MDGA1: variants seen among roughly 807,000 people sequenced by gnomAD.
The protein encoded by MDGA1 is MAM domain-containing glycosylphosphatidylinositol anchor protein 1.
Under a neutral mutation model 101.5 loss-of-function variants are expected in MDGA1, and 54 were observed. The ratio of observed to expected loss-of-function variants is 0.53; its 90% CI spans 0.43 to 0.67. MDGA1 has a LOEUF of 0.67. Among genes scored for constraint, MDGA1 ranks in the 30% least tolerant of loss-of-function variants. The pLI is 0.00. For synonymous variants in MDGA1, 533 were observed against 558.3 expected (o/e 0.95, Z 0.64); for missense variants, 1,083 against 1,323.8 (o/e 0.82, Z 2.82).
Position 37,647,278 on chromosome 6 carries a change from G to C in MDGA1, c.1941C>G (p.Thr647=), listed in dbSNP as rs1270292985. The C allele has an allele frequency of 6.4e-7, 1 of 1,557,986 alleles. No homozygotes were observed. Among genetic ancestry groups the C allele is most frequent in the East Asian group, 2.4e-5 (1 of 41,612 alleles). The change falls in exon 10 of 17, where the codon ACC becomes ACG. Residue 647 remains threonine (T), a synonymous_variant. Transcript: ENST00000434837. ...PEFYFDTPNP[T]RSHKLSKNYS... is the part of the protein sequence containing the mutation. ...AGTTCTTGGACAGCTTGTGGCTGCG[G>C]GTGGGGTTGGGGGTGTCGAAGTAAA...
intron 1 of MDGA1, among the ~76,000 whole-genome samples, chr6:37,689,014 C>G (rs1234417990): frequency 2.0e-5 from 3 of 152,222 alleles, no homozygotes; most frequent in Admixed American, 6.5e-5. Context: ...CGCATTTCCA[C>G]AAGATCCCAG....
Position 37,684,327 on chromosome 6 carries a change from A to G in MDGA1, c.67+12418T>C, listed in dbSNP as rs1326359018. Among the ~76,000 whole-genome samples, 6 of 152,340 alleles carry G rather than the reference A, an allele frequency of 3.9e-5. No homozygotes were observed. In the East Asian group the frequency reaches 1.2e-3, roughly 29 times the overall value. On this transcript the variant is annotated intron_variant, in intron 1 of 16. Transcript: ENST00000434837. ...GGCGGGGGAAGCCCTGACATTTCCA[A>G]TAAGGGCCTCTAACATCTAACCAGA...
At position 37,654,838 on chromosome 6, in the gene MDGA1, G is replaced by A; in HGVS notation, c.674C>T (p.Pro225Leu). 3 of 1,613,792 alleles carry A rather than the reference G, an allele frequency of 1.9e-6. No individual in the cohort carries two copies. Among genetic ancestry groups the A allele is most frequent in the Middle Eastern group, 1.6e-4 (1 of 6,062 alleles). The change falls in exon 5 of 17, where the codon CCA (proline) becomes CTA (leucine). Residue 225 changes from proline (P) to leucine (L), a missense_variant. By Grantham distance (98) the Pro-to-Leu change is moderately conservative. This residue lies in a region of MDGA1 where 310 missense variants were observed against 355.9 expected (regional missense o/e 0.87). Coordinates refer to ENST00000434837, the MANE Select transcript of MDGA1 (RefSeq NM_153487.4). ...QVSVRNVCGI[P>L]DKAITFRLTN... The stretch of plus-strand genomic sequence containing the variant: ...GAGCCGGAAGGTGATGGCCTTGTCT[G>A]GGATGCCGCACACGTTACGCACAGA...
At chr6:37,663,635 C>T (rs559059807) in intron 2 of MDGA1, among the ~76,000 whole-genome samples, 10 of 152,330 alleles carry the variant, frequency 6.6e-5, no homozygotes, top group African/African-American at 1.7e-4. Context: ...TGTCTGGCAC[C>T]GTGCCTGGCA....
intron 1 of MDGA1, among the ~76,000 whole-genome samples, chr6:37,667,050 T>C (rs1399807312): frequency 6.6e-6 from 1 of 152,162 alleles, no homozygotes; most frequent in Admixed American, 6.5e-5. Flanking sequence ...TCGTAATGTG[T>C]TTTACAGATG....
intron 1 of MDGA1, among the ~76,000 whole-genome samples, chr6:37,671,577 C>T (rs1761869777): frequency 6.6e-6 from 1 of 152,114 alleles, no homozygotes; most frequent in South Asian, 2.1e-4. Context: ...AATTATACAC[C>T]CAAAATGTAT....
intron 16 of MDGA1, 90 bp from the exon 17 acceptor site, chr6:37,637,549 T>A: frequency 9.1e-7 from 1 of 1,100,286 alleles, no homozygotes; most frequent in Non-Finnish European, 1.4e-6. Context: ...ACTGTTACTC[T>A]GCCCACCTCT....
At chr6:37,678,325 T>C (rs562314769) in intron 1 of MDGA1, among the ~76,000 whole-genome samples, 9 of 152,152 alleles carry the variant, frequency 5.9e-5, no homozygotes, top group African/African-American at 2.2e-4. Context: ...TCAGAACCAA[T>C]CAGGAATCTG....
At chr6:37,666,698 C>T (rs1380598396) in intron 1 of MDGA1, among the ~76,000 whole-genome samples, 4 of 152,130 alleles carry the variant, frequency 2.6e-5, no homozygotes, top group Non-Finnish European at 4.4e-5. Flanking sequence ...GAATGTTGAA[C>T]GAATGGATTT....
rs1215373074 is a variant in MDGA1, at chr6:37,648,848, G to A, written c.1894+134C>T. On this transcript the variant is annotated intron_variant, in intron 9 of 16. Coordinates refer to ENST00000434837, the MANE Select transcript of MDGA1 (RefSeq NM_153487.4). ...GTGGGCGGGTCTTGGAAAGGCCGGGGCTAAGCCTGGAGTAGGTGGGCTTCA... is the reference window on the plus strand; with the variant it reads ...GTGGGCGGGTCTTGGAAAGGCCGGGACTAAGCCTGGAGTAGGTGGGCTTCA... The A allele has an allele frequency of 9.3e-6, 13 of 1,400,966 alleles. No individual in the cohort carries two copies. In the South Asian group the frequency reaches 1.5e-4, roughly 16 times the overall value. The allele number at this position is 1,400,966 out of a possible 1,614,324, so 86.8% of individuals were successfully genotyped here.
At chr6:37,678,934 G>C (rs1319336982) in intron 1 of MDGA1, among the ~76,000 whole-genome samples, 1 of 151,370 alleles carries the variant, frequency 6.6e-6, no homozygotes, top group Non-Finnish European at 1.5e-5. Flanking sequence ...AGCACCCCTG[G>C]GAGCAAAAGC....
At chr6:37,659,857 G>A (rs900409742) in intron 2 of MDGA1, among the ~76,000 whole-genome samples, 4 of 152,066 alleles carry the variant, frequency 2.6e-5, no homozygotes, top group African/African-American at 9.7e-5. Flanking sequence ...AGAGTTCTTT[G>A]GAGAGATAAC....
rs1194993321 is a variant in MDGA1 at position 37,632,689 on chromosome 6, T to C, written c.*4679A>G. On this transcript the variant is annotated 3_prime_UTR_variant, in exon 17 of 17. Transcript: ENST00000434837. ...GTGACTAAAAAAACAACCCCAATCA[T>C]TTCACCCATTAATAAGGGGGTCTCC... The C allele has an allele frequency of 6.6e-6, 1 of 152,462 alleles. No homozygotes were observed. The highest frequency in any genetic ancestry group is 1.9e-4 in the East Asian group (1 of 5,174). 9.4% of individuals were successfully genotyped at this position (152,462 alleles called of 1,614,324 possible). A position where few individuals can be genotyped will look rare whatever the true frequency, so the allele number is the denominator to read the frequency against.
intron 1 of MDGA1, among the ~76,000 whole-genome samples, chr6:37,684,363 C>A (rs887447195): frequency 6.6e-6 from 1 of 152,188 alleles, no homozygotes; most frequent in African/African-American, 2.4e-5. Context: ...GTTCTAGACC[C>A]AGAATGAGCC....
Position 37,689,181 on chromosome 6 carries a change from G to A in MDGA1, c.67+7564C>T, listed in dbSNP as rs149821345. Among the ~76,000 whole-genome samples, 168 of 151,806 alleles carry A rather than the reference G, an allele frequency of 1.1e-3. 5 individuals carry two copies. In the East Asian group the frequency reaches 0.025, roughly 23 times the overall value. On this transcript the variant is annotated intron_variant, in intron 1 of 16. Coordinates refer to ENST00000434837, the MANE Select transcript of MDGA1 (RefSeq NM_153487.4). ...CATGTCCCCTCTCAGGCCTCCTCCC[G>A]CCCCCTAAACATTGGTGCTCCCCAG...
intron 7 of MDGA1, 101 bp from the exon 8 acceptor site, chr6:37,650,506 CCTCT>C: frequency 8.1e-7 from 1 of 1,236,102 alleles, no homozygotes; most frequent in East Asian, 2.6e-5. Flanking sequence ...TAGGGGCAAG[CCTCT>C]CTCTCCCATC....
chr6:37,686,386 C>T (rs553225497), intron 1 of MDGA1, among the ~76,000 whole-genome samples: 155 of 151,792 alleles, frequency 1.0e-3, no homozygotes, highest in African/African-American at 3.6e-3. Flanking sequence ...GACTGGTTTC[C>T]ACCCCCTAGA....
At position 37,654,890 on chromosome 6, in the gene MDGA1, C is replaced by G; in HGVS notation, c.622G>C (p.Asp208His). The G allele has an allele frequency of 6.2e-7, 1 of 1,613,712 alleles. No individual in the cohort carries two copies. The highest frequency in any genetic ancestry group is 1.3e-5 in the African/African-American group (1 of 74,988). ...VLKLKNLRPQ[D>H]YASYTCQVSV... ...ACCTGGCAGGTGTAGCTGGCATAGT[C>G]CTGGGGCCGCAGGTTCTTCAGCTTC... is the stretch of plus-strand genomic sequence containing the variant. Residue 208 changes from aspartate (D) to histidine (H), a missense_variant, in exon 5 of 17, where the codon GAC (aspartate) becomes CAC (histidine). Transcript: ENST00000434837.
At chr6:37,674,067 G>C (rs1761927056) in intron 1 of MDGA1, among the ~76,000 whole-genome samples, 1 of 152,218 alleles carries the variant, frequency 6.6e-6, no homozygotes, top group African/African-American at 2.4e-5. Flanking sequence ...CTGGGACACA[G>C]AGCCAAATGA....
Sources: gnomAD v4.1 joint callset for allele counts (sites outside exome capture counted in the v4.1 genomes callset) on GRCh38, gnomAD v4.1.1 for gene constraint, gnomAD v4.1.1 regional missense constraint, MANE v1.5 for transcripts, NCBI Gene and HGNC (gene_info 2026-07-23, HGNC 2026-07-21) for gene names.